EFCAB11: variants seen among roughly 807,000 people sequenced by gnomAD.
EFCAB11 encodes EF-hand calcium-binding domain-containing protein 11.
Under a neutral mutation model 23.0 loss-of-function variants are expected in EFCAB11, and 14 were observed. That is an observed-to-expected ratio of 0.61 (90% CI 0.40 to 0.95). The LOEUF (loss-of-function observed/expected upper bound fraction) is 0.95, where lower values mean the gene tolerates loss of function less well. Ranked by LOEUF, EFCAB11 falls within the 40% of genes least tolerant of loss-of-function variation. The probability of loss-of-function intolerance (pLI) is 0.00; values close to 1 mark genes in which losing one functional copy is unlikely to be tolerated. For synonymous variants in EFCAB11, 65 were observed against 66.6 expected, an observed-to-expected ratio of 0.98 and a Z score of 0.11; for missense variants, 198 against 195.8, an observed-to-expected ratio of 1.01 and a Z score of -0.07.
Position 89,815,938 on chromosome 14 carries a change from G to A in EFCAB11, c.411-18614C>T, listed in dbSNP as rs76927408. Among the ~76,000 whole-genome samples the A allele has an allele frequency of 7.1e-3, 1,077 of 152,214 alleles. 12 individuals are homozygous for A. The highest frequency in any genetic ancestry group is 0.024 in the African/African-American group (982 of 41,516). On this transcript the variant is annotated intron_variant, in intron 5 of 5. Transcript: ENST00000316738. ...TTTTGTGAATAATGTCATTGGTATTGTGGTAGGCATTACATTGAATCTGTA... is the reference window on the plus strand; with the variant it reads ...TTTTGTGAATAATGTCATTGGTATTATGGTAGGCATTACATTGAATCTGTA...
intron 5 of EFCAB11, among the ~76,000 whole-genome samples, chr14:89,827,414 G>A (rs1012843935): frequency 5.9e-5 from 9 of 152,058 alleles, no homozygotes; most frequent in African/African-American, 1.4e-4. Flanking sequence ...AGGAACACTC[G>A]CCTCTCCCTT....
At position 89,946,229 on chromosome 14, in the gene EFCAB11, T is replaced by A. The variant is rs1312109661; in HGVS notation, c.217+3868A>T. Among the ~76,000 whole-genome samples the A allele has an allele frequency of 2.0e-5, 3 of 152,302 alleles. No homozygotes were observed. The East Asian group carries it at 5.8e-4, about 29-fold the overall frequency. The stretch of plus-strand genomic sequence containing the variant: ...GCACCTGGCCAGGGGCATAAATGTT[T>A]AATTCCCTTAATGAACTGGCTCTCC... On this transcript the variant is annotated intron_variant, in intron 3 of 5. Transcript: ENST00000316738.
intron 5 of EFCAB11, among the ~76,000 whole-genome samples, chr14:89,920,315 C>T (rs945921447): frequency 1.3e-5 from 2 of 152,182 alleles, no homozygotes; most frequent in Non-Finnish European, 2.9e-5. Flanking sequence ...GCAACCAGTG[C>T]ATCAAGAATG....
At chr14:89,831,479 C>A (rs889465666) in intron 5 of EFCAB11, among the ~76,000 whole-genome samples, 1 of 152,146 alleles carries the variant, frequency 6.6e-6, no homozygotes, top group African/African-American at 2.4e-5. Context: ...GATATCACTA[C>A]AATAATATGA....
At chr14:89,849,012 CTT>C (rs1472813432) in intron 5 of EFCAB11, 1 of 152,112 alleles carries the variant, frequency 6.6e-6, no homozygotes, top group Non-Finnish European at 1.5e-5. Context: ...GATTTTTTCT[CTT>C]TTTGTCTTTT....
chr14:89,805,792 A>G (rs1885948974), intron 5 of EFCAB11, among the ~76,000 whole-genome samples: 1 of 152,146 alleles, frequency 6.6e-6, no homozygotes, highest in African/African-American at 2.4e-5. Flanking sequence ...AAATGAAAGC[A>G]TCCTGACATA....
At chr14:89,835,120 G>C (rs1168397191) in intron 5 of EFCAB11, among the ~76,000 whole-genome samples, 1 of 152,164 alleles carries the variant, frequency 6.6e-6, no homozygotes, top group East Asian at 1.9e-4. Flanking sequence ...AGAGTGACAG[G>C]GAAAATGGGG....
chr14:89,826,464 T>C (rs1722654686), intron 5 of EFCAB11, among the ~76,000 whole-genome samples: 1 of 152,052 alleles, frequency 6.6e-6, no homozygotes, highest in South Asian at 2.1e-4. Flanking sequence ...GTTAGATTTT[T>C]TTTTTTTTAA....
At chr14:89,827,352 A>T (rs1241652920) in intron 5 of EFCAB11, among the ~76,000 whole-genome samples, 1 of 152,120 alleles carries the variant, frequency 6.6e-6, no homozygotes, top group African/African-American at 2.4e-5. Context: ...AGACAACTGG[A>T]GTGAGGAACT....
chr14:89,938,412 G>A (rs1341564551), intron 3 of EFCAB11, among the ~76,000 whole-genome samples: 1 of 152,158 alleles, frequency 6.6e-6, no homozygotes, highest in Non-Finnish European at 1.5e-5. Context: ...GACAGTGAAG[G>A]GGTGGGAGAA....
intron 5 of EFCAB11, among the ~76,000 whole-genome samples, chr14:89,851,891 C>T (rs1488719831): frequency 2.0e-5 from 3 of 152,162 alleles, no homozygotes; most frequent in African/African-American, 7.2e-5. Flanking sequence ...GAGAGACCTA[C>T]AGGTCATAGG....
chr14:89,856,142 G>A (rs1430363029), intron 5 of EFCAB11, among the ~76,000 whole-genome samples: 1 of 151,638 alleles, frequency 6.6e-6, no homozygotes, highest in African/African-American at 2.4e-5. Flanking sequence ...TCCCAGAAAA[G>A]GAATTCCTGA....
intron 5 of EFCAB11, among the ~76,000 whole-genome samples, chr14:89,881,224 A>G (rs1888586101): frequency 6.6e-6 from 1 of 151,450 alleles, no homozygotes; most frequent in Non-Finnish European, 1.5e-5. Flanking sequence ...TGTCTACTTC[A>G]CACCATATCC....
intron 5 of EFCAB11, among the ~76,000 whole-genome samples, chr14:89,801,059 A>AAAAAAAAAAAAAAAAAAAAAAG (rs1555369622): frequency 7.2e-6 from 1 of 138,782 alleles, no homozygotes; most frequent in Non-Finnish European, 1.5e-5. Flanking sequence ...AAAAAAAAAA[A>AAAAAAAAAAAAAAAAAAAAAAG]AGAAGTACTG....
intron 5 of EFCAB11, among the ~76,000 whole-genome samples, chr14:89,891,478 CAA>C (rs950683770): frequency 2.0e-5 from 3 of 151,968 alleles, no homozygotes; most frequent in African/African-American, 7.3e-5. Context: ...TAGCAGAAAA[CAA>C]TGTATTGTCA....
chr14:89,868,665 G>A (rs1596411949), intron 5 of EFCAB11, among the ~76,000 whole-genome samples: 2 of 152,132 alleles, frequency 1.3e-5, no homozygotes, highest in African/African-American at 4.8e-5. Flanking sequence ...CTTGTTTTAC[G>A]TGCTCTGTAT....
chr14:89,832,574 GT>G (rs1188449808), intron 5 of EFCAB11, among the ~76,000 whole-genome samples: 1 of 152,132 alleles, frequency 6.6e-6, no homozygotes, highest in Admixed American at 6.5e-5. Flanking sequence ...CTATACAGAT[GT>G]TCCTTGATTT....
intron 5 of EFCAB11, among the ~76,000 whole-genome samples, chr14:89,906,259 A>G (rs774308264): frequency 2.0e-5 from 3 of 152,126 alleles, no homozygotes; most frequent in Non-Finnish European, 4.4e-5. Context: ...CCAGTTTATC[A>G]TTTGACAAAT....
At chr14:89,847,654 G>A (rs6575091) in intron 5 of EFCAB11, among the ~76,000 whole-genome samples, 98,777 of 150,626 alleles carry the variant, frequency 0.66, 34,121 homozygotes, top group Non-Finnish European at 0.79. Context: ...CAGGAGAATC[G>A]CTTGAACCTG....
Sources: allele counts gnomAD v4.1 joint callset (sites outside exome capture counted in the v4.1 genomes callset), GRCh38; gene constraint gnomAD v4.1.1; transcripts MANE v1.5; gene names NCBI Gene and HGNC (gene_info 2026-07-23, HGNC 2026-07-21).